Variants in CTNNA2 observed in about 807,000 individuals in gnomAD.
CTNNA2 encodes catenin alpha-2.
CTNNA2 carries 42 observed loss-of-function variants against 101.0 expected under a neutral mutation model. The ratio of observed to expected loss-of-function variants is 0.42; its 90% confidence interval spans 0.32 to 0.54. The LOEUF is 0.54. Among genes scored for constraint, CTNNA2 ranks in the 20% least tolerant of loss-of-function variants. The probability of loss-of-function intolerance (pLI) is 0.14; values close to 1 mark genes in which losing one functional copy is unlikely to be tolerated. For synonymous variants in CTNNA2, 450 were observed against 456.4 expected, an observed-to-expected ratio of 0.99 and a Z score of 0.18; for missense variants, 871 against 1,223.1, an observed-to-expected ratio of 0.71 and a Z score of 4.29.
At chr2:80,396,801 C>T (rs1292376055) in intron 8 of CTNNA2, among the ~76,000 whole-genome samples, 1 of 152,118 alleles carries the variant, frequency 6.6e-6, no homozygotes, top group Admixed American at 6.5e-5. Flanking sequence ...TCTTTCACTC[C>T]CCAAACAAAT....
Position 79,640,931 on chromosome 2 carries a change from A to G in CTNNA2, c.-5-10621A>G, listed in dbSNP as rs536918553. On this transcript the variant is annotated intron_variant, in intron 1 of 18. Transcript: ENST00000402739. ...TTAAGATCTTCTGTTACTGACTGTA[A>G]ATACAGTCTTGATTCAGGGATTATG... is the stretch of plus-strand genomic sequence containing the variant. Among the ~76,000 whole-genome samples, 6 of 152,298 alleles carry G rather than the reference A, an allele frequency of 3.9e-5. No homozygotes were observed. In the East Asian group the frequency reaches 5.8e-4, roughly 15 times the overall value.
intron 3 of CTNNA2, among the ~76,000 whole-genome samples, chr2:79,790,931 A>G (rs1010893020): frequency 6.6e-6 from 1 of 152,208 alleles, no homozygotes; most frequent in Non-Finnish European, 1.5e-5. Flanking sequence ...TTTGCAGATC[A>G]TTTAGAACAT....
chr2:79,375,766 T>C (rs1396234597), intron 4 of CTNNA2, among the ~76,000 whole-genome samples: 3 of 152,178 alleles, frequency 2.0e-5, no homozygotes, highest in Non-Finnish European at 2.9e-5. Flanking sequence ...AACAAAAACA[T>C]ATGAGCCACT....
intron 7 of CTNNA2, among the ~76,000 whole-genome samples, chr2:80,306,680 T>C (rs928578544): frequency 6.6e-6 from 1 of 151,288 alleles, no homozygotes; most frequent in Non-Finnish European, 1.5e-5. Flanking sequence ...AGCCATAAAC[T>C]CTAAAGGGTT....
rs1216274074 is a variant in CTNNA2, at chr2:80,574,385, T to C, written c.1893+71T>C. On this transcript the variant is annotated intron_variant, in intron 13 of 18. Transcript: ENST00000402739. ...GGAAACTAAAGAGCTAACTGTCTTA[T>C]TTATTATTTATTTTGTAATTACTGA... 5.6e-5 allele frequency: 81 copies of C among 1,435,566 alleles called. No homozygotes were observed. In the East Asian group the frequency reaches 1.9e-3, roughly 34 times the overall value. The allele number at this position is 1,435,566 out of a possible 1,614,324, so 88.9% of individuals were successfully genotyped here.
At chr2:80,322,804 A>G (rs995924640) in intron 7 of CTNNA2, among the ~76,000 whole-genome samples, 1 of 152,124 alleles carries the variant, frequency 6.6e-6, no homozygotes, top group South Asian at 2.1e-4. Flanking sequence ...ATACTCCAAA[A>G]TCAACCAGGG....
intron 9 of CTNNA2, among the ~76,000 whole-genome samples, chr2:80,449,289 A>C (rs1683305891): frequency 2.0e-5 from 1 of 51,266 alleles, no homozygotes; most frequent in Non-Finnish European, 3.1e-5. Context: ...CTCTAAAATT[A>C]AATAAATAAA....
intron 1 of CTNNA2, among the ~76,000 whole-genome samples, chr2:79,566,103 G>A (rs1675097515): frequency 1.3e-5 from 2 of 152,074 alleles, no homozygotes; most frequent in South Asian, 4.1e-4. Context: ...GAAGAAGCAA[G>A]CAGGAGAAGA....
intron 7 of CTNNA2, among the ~76,000 whole-genome samples, chr2:80,102,755 G>A (rs1367769308): frequency 1.3e-5 from 2 of 152,108 alleles, no homozygotes; most frequent in Non-Finnish European, 2.9e-5. Context: ...CAAGTGATCC[G>A]CCAGCCTCAG....
At chr2:80,535,436 A>T (rs987968679) in intron 9 of CTNNA2, among the ~76,000 whole-genome samples, 16 of 152,174 alleles carry the variant, frequency 1.1e-4, no homozygotes, top group African/African-American at 3.9e-4. Context: ...TGCTGGGTTA[A>T]CTAATCTCTT....
chr2:79,567,620 C>G (rs908277266), intron 1 of CTNNA2, among the ~76,000 whole-genome samples: 80 of 152,148 alleles, frequency 5.3e-4, no homozygotes, highest in African/African-American at 1.8e-3. Context: ...TCACCTTCCT[C>G]TTTATTCTGG....
rs764938006 is a variant in CTNNA2, at chr2:79,744,546, G to T, written c.262G>T (p.Glu88Ter). 7.4e-6 allele frequency: 12 copies of T among 1,613,982 alleles called. No individual in the cohort carries two copies. The South Asian group carries it at 1.3e-4, about 18-fold the overall frequency. The change falls in exon 3 of 19, where the codon GAG becomes TAG. Residue 88 changes from glutamate (E) to a stop codon, truncating the protein, a stop_gained. Coordinates refer to ENST00000402739, the MANE Select transcript of CTNNA2 (RefSeq NM_001282597.3). LOFTEE classifies it high-confidence loss of function. ...TAAGGAGAGTCAAGATCTCAAAGAA[G>T]AGTTGGTGGCTGCTGTAGAGGATGT... Reference protein sequence around the residue: ...IAKESQDLKEELVAAVEDVRK... With the variant: ...IAKESQDLKE
Position 80,524,934 on chromosome 2 carries a change from C to A in CTNNA2, c.1291-20048C>A, listed in dbSNP as rs145383395. 3.5e-4 allele frequency among the ~76,000 whole-genome samples: 53 copies of A among 152,124 alleles called. 1 individual carries two copies. The East Asian group carries it at 7.9e-3, about 23-fold the overall frequency. On this transcript the variant is annotated intron_variant, in intron 9 of 18. Coordinates refer to ENST00000402739, the MANE Select transcript of CTNNA2 (RefSeq NM_001282597.3). Reference sequence around the variant, plus strand: ...TCCCCCTTGCCACCCCCACCTCATACTTTTAAGTTTTTATTTACATAGGTT... The same window carrying A: ...TCCCCCTTGCCACCCCCACCTCATAATTTTAAGTTTTTATTTACATAGGTT...
intron 7 of CTNNA2, among the ~76,000 whole-genome samples, chr2:80,332,509 C>T (rs561067720): frequency 1.2e-4 from 18 of 152,072 alleles, no homozygotes; most frequent in African/African-American, 4.1e-4. Context: ...AATGTCAAGC[C>T]CAGTAATGCT....
chr2:80,506,789 G>C (rs1479356528), intron 9 of CTNNA2, among the ~76,000 whole-genome samples: 1 of 152,188 alleles, frequency 6.6e-6, no homozygotes, highest in Non-Finnish European at 1.5e-5. Flanking sequence ...TTAAAGCACA[G>C]CTTCTGTACT....
At chr2:79,192,739 C>G (rs542838459) in intron 1 of CTNNA2, among the ~76,000 whole-genome samples, 8 of 151,922 alleles carry the variant, frequency 5.3e-5, no homozygotes, top group Middle Eastern at 3.4e-3. Context: ...TCTGTGGGCC[C>G]CAAAGGCTTA....
Position 80,430,433 on chromosome 2 carries a change from A to G in CTNNA2, c.1290+10832A>G, listed in dbSNP as rs369925427. 1.1e-4 allele frequency among the ~76,000 whole-genome samples: 16 copies of G among 152,294 alleles called. No homozygotes were observed. The East Asian group carries it at 1.5e-3, about 15-fold the overall frequency. ...AGGAAACTAAAAGTAGCCTGACCAA[A>G]GTCACTAGATGATGGATGAGTGACA... On this transcript the variant is annotated intron_variant, in intron 9 of 18. Coordinates refer to ENST00000402739, the MANE Select transcript of CTNNA2 (RefSeq NM_001282597.3).
chr2:79,650,796 C>T (rs2104471698), intron 1 of CTNNA2, among the ~76,000 whole-genome samples: 1 of 122,332 alleles, frequency 8.2e-6, no homozygotes, highest in South Asian at 3.4e-4. Flanking sequence ...CTCCCCCCAC[C>T]CCACAACAGT....
chr2:80,078,698 A>C (rs1217020944), intron 7 of CTNNA2, among the ~76,000 whole-genome samples: 1 of 152,108 alleles, frequency 6.6e-6, no homozygotes, highest in Non-Finnish European at 1.5e-5. Flanking sequence ...AACATCTTCC[A>C]GCTCCATCTG....
Sources: gnomAD v4.1 joint callset for allele counts (sites outside exome capture counted in the v4.1 genomes callset) on GRCh38, gnomAD v4.1.1 for gene constraint, MANE v1.5 for transcripts, NCBI Gene and HGNC (gene_info 2026-07-23, HGNC 2026-07-21) for gene names.